Variants in CPT1A observed in about 807,000 individuals in gnomAD.
CPT1A encodes the protein carnitine O-palmitoyltransferase 1, liver isoform.
A neutral mutation model predicts 100.8 loss-of-function variants in CPT1A; 64 were observed. The ratio of observed to expected loss-of-function variants is 0.63; its 90% confidence interval spans 0.52 to 0.78. The LOEUF (loss-of-function observed/expected upper bound fraction) is 0.78, where lower values mean the gene tolerates loss of function less well. Among genes scored for constraint, CPT1A ranks in the 30% least tolerant of loss-of-function variants. The pLI, the probability that CPT1A is intolerant of heterozygous loss-of-function variation, is 0.00. For missense variants in CPT1A, 802 were observed against 1,034.1 expected (o/e 0.78, Z 3.08); for synonymous variants, 363 against 396.0 (o/e 0.92, Z 0.99).
chr11:68,770,064 A>AC (rs1364406923), intron 14 of CPT1A, among the ~76,000 whole-genome samples: 3 of 151,140 alleles, frequency 2.0e-5, no homozygotes, highest in Non-Finnish European at 4.4e-5. Flanking sequence ...CGTCTCAAAA[A>AC]AAAAAAAACA....
chr11:68,824,711 T>C (rs1236266853), intron 1 of CPT1A, among the ~76,000 whole-genome samples: 1 of 151,156 alleles, frequency 6.6e-6, no homozygotes, highest in African/African-American at 2.4e-5. Flanking sequence ...GTGTGAGCCA[T>C]GGCACTCAGG....
chr11:68,839,623 CAG>C (rs1228053574), intron 1 of CPT1A: 1 of 985,362 alleles, frequency 1.0e-6, no homozygotes, highest in Admixed American at 6.1e-5. Context: ...CTTCTGATGA[CAG>C]ATGCTGCATC....
In CPT1A at chr11:68,780,712, G is replaced by A; in HGVS notation, c.1386C>T (p.Phe462=). 1 of 1,614,214 alleles carries A rather than the reference G, an allele frequency of 6.2e-7. No individual in the cohort carries two copies. Among genetic ancestry groups the A allele is most frequent in the Middle Eastern group, 1.7e-4 (1 of 6,060 alleles). ...WFDKSFTFVV[F]KNGKMGLNAE... ...CGTTGAGGCCCATCTTCCCGTTTTTGAAGACAACAAACGTGAACGACTTGT... is the reference window on the plus strand; with the variant it reads ...CGTTGAGGCCCATCTTCCCGTTTTTAAAGACAACAAACGTGAACGACTTGT... The change falls in exon 12 of 19, where the codon TTC becomes TTT. Residue 462 remains phenylalanine, a synonymous_variant. Coordinates refer to ENST00000265641, the MANE Select transcript of CPT1A (RefSeq NM_001876.4).
chr11:68,793,402 T>C lies in CPT1A; in HGVS notation c.880A>G (p.Ile294Val), dbSNP rs754320835. 6.2e-7 allele frequency: 1 copy of C among 1,607,872 alleles called. No individual in the cohort carries two copies. The highest frequency in any genetic ancestry group is 1.7e-5 in the Admixed American group (1 of 59,500). Residue 294 changes from isoleucine to valine, a missense_variant and splice_region_variant, in exon 9 of 19, where the codon ATT (isoleucine) becomes GTT (valine). Ile to Val is a conservative substitution (Grantham distance 29). This residue lies in a region of CPT1A where 627 missense variants were observed against 799.3 expected (regional missense o/e 0.78). Transcript: ENST00000265641. ...RKLDREEIKP[I>V]RLLGSTIPLC... is the part of the protein sequence containing the mutation. ...GGAATCGTGGATCCCAAAAGACGAATCTGTAACAAAAATATATTTCAAACC... is the reference window on the plus strand; with the variant it reads ...GGAATCGTGGATCCCAAAAGACGAACCTGTAACAAAAATATATTTCAAACC...
intron 9 of CPT1A, chr11:68,786,069 A>T: frequency 1.4e-6 from 1 of 702,232 alleles, no homozygotes; most frequent in Non-Finnish European, 2.6e-6. Flanking sequence ...CATGATTAAA[A>T]ATAGGACAAG....
upstream of CPT1A, among the ~76,000 whole-genome samples, chr11:68,843,477 C>T (rs905677390): frequency 3.3e-5 from 5 of 152,074 alleles, no homozygotes; most frequent in African/African-American, 1.2e-4. The surrounding 1 kb of genome is among the most constrained non-coding windows in gnomAD (Gnocchi z 4.0). Flanking sequence ...CAACCAGGCA[C>T]GTGCGACATT....
chr11:68,839,032 TAAAC>T (rs999980353), intron 1 of CPT1A, among the ~76,000 whole-genome samples: 6 of 152,124 alleles, frequency 3.9e-5, no homozygotes, highest in African/African-American at 9.7e-5. Context: ...CAACACACTT[TAAAC>T]AAACAATCTC....
intron 16 of CPT1A, 146 bp from the exon 17 acceptor site, chr11:68,760,484 G>T: frequency 1.3e-6 from 1 of 777,680 alleles, no homozygotes; most frequent in Non-Finnish European, 2.2e-6. Context: ...TCACTGGCTT[G>T]GGCAGCGTAT....
rs143033766 is a variant in CPT1A at position 68,802,185 on chromosome 11, G to A, written c.555+1815C>T. On this transcript the variant is annotated intron_variant, in intron 5 of 18. Coordinates refer to ENST00000265641, the MANE Select transcript of CPT1A (RefSeq NM_001876.4). ...TTTGGGGGATGAAATGTCCTGGAACGAGACAGCAGTGAGGGCTGCGCAACA... is the reference window on the plus strand; with the variant it reads ...TTTGGGGGATGAAATGTCCTGGAACAAGACAGCAGTGAGGGCTGCGCAACA... Among the ~76,000 whole-genome samples the A allele has an allele frequency of 5.7e-4, 87 of 152,210 alleles. No homozygotes were observed. The East Asian group carries it at 0.016, about 27-fold the overall frequency.
intron 1 of CPT1A, among the ~76,000 whole-genome samples, chr11:68,837,917 A>G (rs1857050321): frequency 6.6e-6 from 1 of 152,112 alleles, no homozygotes; most frequent in South Asian, 2.1e-4. Flanking sequence ...AATAATGAGG[A>G]AGGTGAATGT....
At chr11:68,785,388 T>G (rs1855429720) in intron 9 of CPT1A, among the ~76,000 whole-genome samples, 1 of 151,648 alleles carries the variant, frequency 6.6e-6, no homozygotes, top group Admixed American at 6.6e-5. Context: ...TGGTGAAATC[T>G]TGCCTCTACT....
chr11:68,844,252 C>T (rs937017906), upstream of CPT1A: 1 of 152,252 alleles, frequency 6.6e-6, no homozygotes, highest in African/African-American at 2.4e-5. Flanking sequence ...CACGCTGCAG[C>T]TCTCCTGCCC....
Position 68,756,426 on chromosome 11 carries a change from G to A in CPT1A, c.*1218C>T, listed in dbSNP as rs1225192235. On this transcript the variant is annotated 3_prime_UTR_variant, in exon 19 of 19. Coordinates refer to ENST00000265641, the MANE Select transcript of CPT1A (RefSeq NM_001876.4). ...GCACTCCTATCTGAAGGACAGGCTG[G>A]GTGAACACCTAGCACTGTCACTTGA... The A allele has an allele frequency of 6.6e-6, 1 of 152,208 alleles. No homozygotes were observed. The highest frequency in any genetic ancestry group is 1.5e-5 in the Non-Finnish European group (1 of 68,060). 9.4% of individuals were successfully genotyped at this position (152,208 alleles called of 1,614,324 possible). A position where few individuals can be genotyped will look rare whatever the true frequency, so the allele number is the denominator to read the frequency against.
rs1223612460 is a variant in CPT1A, at chr11:68,759,607, T to C, written c.2197A>G (p.Asn733Asp). The change falls in exon 18 of 19, where the codon AAT (asparagine) becomes GAT (aspartate). Residue 733 changes from asparagine to aspartate, a missense_variant. Physicochemically the swap from Asn to Asp is conservative, Grantham distance 23 (BLOSUM62 1). This residue lies in a region of CPT1A where 627 missense variants were observed against 799.3 expected (regional missense o/e 0.78). Transcript: ENST00000265641. ...GAGAACTTGGAAGAAATGTGGAAATTGATGAGGTTCTCTCCCACAAGGATG... is the reference window on the plus strand; with the variant it reads ...GAGAACTTGGAAGAAATGTGGAAATCGATGAGGTTCTCTCCCACAAGGATG... ...SYILVGENLI[N>D]FHISSKFSCP... is the part of the protein sequence containing the mutation. 6.2e-7 allele frequency: 1 copy of C among 1,613,726 alleles called. No individual in the cohort carries two copies. Among genetic ancestry groups the C allele is most frequent in the Non-Finnish European group, 8.5e-7 (1 of 1,179,794 alleles).
intron 1 of CPT1A, among the ~76,000 whole-genome samples, chr11:68,828,870 C>T (rs901287224): frequency 5.9e-5 from 9 of 152,202 alleles, no homozygotes; most frequent in South Asian, 4.1e-4. Context: ...CCACCAGGCA[C>T]GCAAGCTGGC....
intron 1 of CPT1A, among the ~76,000 whole-genome samples, chr11:68,828,916 C>T (rs970289369): frequency 6.6e-6 from 1 of 152,182 alleles, no homozygotes; most frequent in Non-Finnish European, 1.5e-5. Context: ...GCCCCTCTGG[C>T]TTCTGAACTA....
rs113601373 is a variant in CPT1A at position 68,790,445 on chromosome 11, A to G, written c.967+2870T>C. On this transcript the variant is annotated intron_variant, in intron 9 of 18. Coordinates refer to ENST00000265641, the MANE Select transcript of CPT1A (RefSeq NM_001876.4). ...CTGGACTAGGGTGGACCCCAAATCCAATGACTGTTGTCCTTGTAAGAGAGA... is the reference window on the plus strand; with the variant it reads ...CTGGACTAGGGTGGACCCCAAATCCGATGACTGTTGTCCTTGTAAGAGAGA... 1.4e-3 allele frequency among the ~76,000 whole-genome samples: 207 copies of G among 152,246 alleles called. 2 individuals carry two copies. Among genetic ancestry groups the G allele is most frequent in the East Asian group, 7.7e-3 (40 of 5,180 alleles).
In CPT1A at chr11:68,807,476, C is replaced by A; in HGVS notation, c.444G>T (p.Lys148Asn). Residue 148 changes from lysine (K) to asparagine (N), a missense_variant, in exon 4 of 19, where the codon AAG (lysine) becomes AAT (asparagine). Coordinates refer to ENST00000265641, the MANE Select transcript of CPT1A (RefSeq NM_001876.4). Reference sequence around the variant, plus strand: ...AGGGACACGCAATTACCATCCAGATCTTGGTGGCACGACTCATCTTGCCGT... The same window carrying A: ...AGGGACACGCAATTACCATCCAGATATTGGTGGCACGACTCATCTTGCCGT... ...TEHGKMSRAT[K>N]IWMGMVKIFS... The A allele has an allele frequency of 6.2e-7, 1 of 1,614,058 alleles. No homozygotes were observed. Among genetic ancestry groups the A allele is most frequent in the Non-Finnish European group, 8.5e-7 (1 of 1,179,986 alleles).
intron 14 of CPT1A, among the ~76,000 whole-genome samples, chr11:68,764,835 C>A (rs1224288897): frequency 1.3e-5 from 2 of 152,272 alleles, no homozygotes; most frequent in Non-Finnish European, 2.9e-5. Context: ...AGGGAAGCGT[C>A]TAGAGACCGT....
Sources: gnomAD v4.1 joint callset for allele counts (sites outside exome capture counted in the v4.1 genomes callset) on GRCh38, gnomAD v4.1.1 for gene constraint, gnomAD v4.1.1 regional missense constraint, Gnocchi (gnomAD v3.1) non-coding constraint, MANE v1.5 for transcripts, NCBI Gene and HGNC (gene_info 2026-07-23, HGNC 2026-07-21) for gene names.